Variants in TMPRSS15 observed in about 807,000 individuals in gnomAD.
TMPRSS15 encodes the protein enteropeptidase.
TMPRSS15 carries 128 observed loss-of-function variants against 125.3 expected under a neutral mutation model. The ratio of observed to expected loss-of-function variants is 1.02; its 90% confidence interval spans 0.89 to 1.18. The LOEUF (loss-of-function observed/expected upper bound fraction) is 1.18. Ranked by LOEUF, TMPRSS15 falls within the 50% of genes most tolerant of loss-of-function variation. The pLI, the probability that TMPRSS15 is intolerant of heterozygous loss-of-function variation, is 0.00. For synonymous variants in TMPRSS15, 446 were observed against 423.2 expected, an observed-to-expected ratio of 1.05 and a Z score of -0.66; for missense variants, 1,283 against 1,212.7, an observed-to-expected ratio of 1.06 and a Z score of -0.86.
intron 3 of TMPRSS15, among the ~76,000 whole-genome samples, chr21:18,390,043 C>T (rs2824797): frequency 0.087 from 13,216 of 152,174 alleles, 689 homozygotes; most frequent in South Asian, 0.14. Context: ...GCCCTCAATG[C>T]CAGCTCTATT....
intron 1 of TMPRSS15, among the ~76,000 whole-genome samples, chr21:18,431,246 T>C (rs1356757575): frequency 1.3e-5 from 2 of 152,226 alleles, no homozygotes; most frequent in East Asian, 3.8e-4. Context: ...TTATTGCTTT[T>C]ATCCTGAAAT....
At chr21:18,321,384 A>C (rs1190581331) in intron 16 of TMPRSS15, among the ~76,000 whole-genome samples, 1 of 112,172 alleles carries the variant, frequency 8.9e-6, no homozygotes, top group Non-Finnish European at 1.6e-5. Context: ...ACGGAGTCTC[A>C]CTCTGTCGCC....
At chr21:18,353,380 C>T (rs1483406599) in intron 9 of TMPRSS15, among the ~76,000 whole-genome samples, 1 of 151,750 alleles carries the variant, frequency 6.6e-6, no homozygotes, top group Admixed American at 6.6e-5. Context: ...TCTCCTGTTA[C>T]TAAATTTAAT....
chr21:18,295,396 A>C (rs1184795916), intron 19 of TMPRSS15, among the ~76,000 whole-genome samples: 1 of 152,242 alleles, frequency 6.6e-6, no homozygotes, highest in Non-Finnish European at 1.5e-5. Context: ...ACTTGCTCCC[A>C]CTATTTCCAA....
chr21:18,335,186 A>T (rs1012209216), intron 13 of TMPRSS15, among the ~76,000 whole-genome samples: 69 of 152,204 alleles, frequency 4.5e-4, no homozygotes, highest in African/African-American at 1.7e-3. Flanking sequence ...GGAATGTCTA[A>T]CTAACTTCAG....
At chr21:18,380,584 G>A in intron 4 of TMPRSS15, 1 of 470,654 alleles carries the variant, frequency 2.1e-6, no homozygotes, top group South Asian at 1.6e-5. Flanking sequence ...CTCCAAAGAT[G>A]CTGGAATAAC....
chr21:18,440,579 C>G (rs1262314748), intron 1 of TMPRSS15, among the ~76,000 whole-genome samples: 1 of 151,716 alleles, frequency 6.6e-6, no homozygotes, highest in African/African-American at 2.4e-5. Flanking sequence ...GCTTATTTTT[C>G]ATATTTATTA....
intron 21 of TMPRSS15, among the ~76,000 whole-genome samples, chr21:18,293,890 G>T (rs1053037342): frequency 6.6e-6 from 1 of 152,128 alleles, no homozygotes; most frequent in Admixed American, 6.5e-5. Context: ...CTGACAATTT[G>T]CTAGCAATAA....
intron 16 of TMPRSS15, among the ~76,000 whole-genome samples, chr21:18,319,129 T>C (rs890008615): frequency 1.3e-5 from 2 of 152,176 alleles, no homozygotes; most frequent in Admixed American, 1.3e-4. Context: ...ATTTACTTAG[T>C]TAAATTTCAA....
chr21:18,345,415 A>G (rs981103292), intron 10 of TMPRSS15, among the ~76,000 whole-genome samples: 2 of 152,018 alleles, frequency 1.3e-5, no homozygotes, highest in Admixed American at 1.3e-4. Context: ...ACTTTTGATT[A>G]CTTAGAACAT....
At chr21:18,279,311 C>CTTTTTTTTTTTTTTT (rs71189593) in intron 22 of TMPRSS15, among the ~76,000 whole-genome samples, 2 of 41,094 alleles carry the variant, frequency 4.9e-5, no homozygotes, top group Non-Finnish European at 9.6e-5. Context: ...CCTCGTTACT[C>CTTTTTTTTTTTTTTT]TTTTTTTTTT....
chr21:18,464,902 T>C (rs1229710632), intron 1 of TMPRSS15, among the ~76,000 whole-genome samples: 2 of 152,142 alleles, frequency 1.3e-5, no homozygotes, highest in African/African-American at 4.8e-5. Flanking sequence ...CCTCCCTAAC[T>C]CATTTCTTGA....
chr21:18,336,359 A>C (rs1473981738), intron 13 of TMPRSS15, among the ~76,000 whole-genome samples: 1 of 152,174 alleles, frequency 6.6e-6, no homozygotes, highest in Non-Finnish European at 1.5e-5. Flanking sequence ...AAAAGTGGCT[A>C]ATTTTCAAAA....
At chr21:18,430,707 A>T (rs1435335227) in intron 1 of TMPRSS15, among the ~76,000 whole-genome samples, 1 of 152,178 alleles carries the variant, frequency 6.6e-6, no homozygotes, top group Non-Finnish European at 1.5e-5. Flanking sequence ...AAGGTTTTCC[A>T]ATCATTTCCG....
chr21:18,328,279 T>A (rs1332273097), intron 15 of TMPRSS15, among the ~76,000 whole-genome samples: 2 of 152,074 alleles, frequency 1.3e-5, no homozygotes, highest in Admixed American at 6.6e-5. Context: ...AAAAATAAAC[T>A]GGTCAATTTT....
intron 24 of TMPRSS15, among the ~76,000 whole-genome samples, chr21:18,272,318 G>A (rs551959144): frequency 6.6e-6 from 1 of 151,928 alleles, no homozygotes; most frequent in African/African-American, 2.4e-5. Context: ...AATGATCAGT[G>A]ATGTTGAGTT....
intron 1 of TMPRSS15, among the ~76,000 whole-genome samples, chr21:18,412,953 T>G (rs1415800970): frequency 6.6e-6 from 1 of 152,176 alleles, no homozygotes; most frequent in Non-Finnish European, 1.5e-5. Flanking sequence ...AAAAATAAGA[T>G]AAATTTTAAA....
intron 6 of TMPRSS15, among the ~76,000 whole-genome samples, chr21:18,367,731 T>G (rs1467503051): frequency 6.6e-6 from 1 of 152,240 alleles, no homozygotes; most frequent in South Asian, 2.1e-4. Context: ...GGTCATTTTC[T>G]AAAGTTATTA....
At chr21:18,315,053 C>T in intron 17 of TMPRSS15, 93 bp downstream of exon 17, 1 of 1,010,048 alleles carries the variant, frequency 9.9e-7, no homozygotes, top group South Asian at 1.3e-5. Flanking sequence ...AAAACAGGTC[C>T]TAATAGACAC....
Sources: allele counts gnomAD v4.1 joint callset (sites outside exome capture counted in the v4.1 genomes callset), GRCh38; gene constraint gnomAD v4.1.1; transcripts MANE v1.5; gene names NCBI Gene and HGNC (gene_info 2026-07-23, HGNC 2026-07-21).